Variants in TENM3 observed in about 807,000 individuals in gnomAD.
The protein encoded by TENM3 is teneurin transmembrane protein 3, also known as teneurin-3.
In TENM3, 63 loss-of-function variants were observed where a neutral mutation model predicts 255.1. That is an observed-to-expected ratio of 0.25 (90% CI 0.20 to 0.30). The LOEUF (loss-of-function observed/expected upper bound fraction) is 0.30, where lower values mean the gene tolerates loss of function less well. Ranked by LOEUF, TENM3 falls within the 10% of genes least tolerant of loss-of-function variation. The pLI is 1.00. For missense variants in TENM3, 2,929 were observed against 3,461.1 expected (o/e 0.85, Z 3.86); for synonymous variants, 1,306 against 1,322.3 (o/e 0.99, Z 0.27).
chr4:182,530,212 G>T (rs920140467), intron 3 of TENM3, among the ~76,000 whole-genome samples: 1 of 152,126 alleles, frequency 6.6e-6, no homozygotes, highest in Non-Finnish European at 1.5e-5. Context: ...AACTCAGACC[G>T]CAGGCTCATA....
At chr4:182,144,642 C>T (rs1306898914), upstream of TENM3, 2 of 147,748 alleles carry the variant, frequency 1.4e-5, no homozygotes, top group Admixed American at 6.7e-5. Flanking sequence ...CGGGGCCCCC[C>T]TCCCCCGCGC....
intron 10 of TENM3, among the ~76,000 whole-genome samples, chr4:182,681,558 A>C (rs1756178353): frequency 6.6e-6 from 1 of 152,194 alleles, no homozygotes; most frequent in Non-Finnish European, 1.5e-5. Context: ...CTGAAACCTC[A>C]AGAGCCTGTG....
intron 1 of TENM3, among the ~76,000 whole-genome samples, chr4:182,228,386 G>GTATATATATATGTGTATATATATA (rs1374220080): frequency 7.2e-6 from 1 of 139,830 alleles, no homozygotes. Flanking sequence ...GTGTGTGTGT[G>GTATATATATATGTGTATATATATA]TGTGTGTATA....
chr4:181,621,483 T>A, the TENM3 span, among the ~76,000 whole-genome samples: 2 of 152,180 alleles, frequency 1.3e-5, no homozygotes, highest in Non-Finnish European at 2.9e-5. Flanking sequence ...AACATATCAA[T>A]TAACTTTAAT....
chr4:182,251,486 T>C lies in TENM3; in HGVS notation c.-76+8010T>C, dbSNP rs113914889. 8.0e-3 allele frequency among the ~76,000 whole-genome samples: 1,218 copies of C among 152,104 alleles called. 12 individuals are homozygous for C. The highest frequency in any genetic ancestry group is 0.026 in the African/African-American group (1,061 of 41,502). On this transcript the variant is annotated intron_variant, in intron 1 of 27. Coordinates refer to ENST00000511685, the MANE Select transcript of TENM3 (RefSeq NM_001080477.4). Reference sequence around the variant, plus strand: ...CTGTCTCAAAACAAAACAAAAGCGATGATGGGAAGTTGTCTTTTACTGTTA... The same window carrying C: ...CTGTCTCAAAACAAAACAAAAGCGACGATGGGAAGTTGTCTTTTACTGTTA...
intron 1 of TENM3, among the ~76,000 whole-genome samples, chr4:182,247,269 C>T (rs1757714285): frequency 6.6e-6 from 1 of 152,012 alleles, no homozygotes; most frequent in African/African-American, 2.4e-5. Flanking sequence ...GAAGAAAAAC[C>T]CTATGAAGAG....
intron 1 of TENM3, among the ~76,000 whole-genome samples, chr4:182,215,865 C>A (rs1755429749): frequency 6.6e-6 from 1 of 152,176 alleles, no homozygotes; most frequent in African/African-American, 2.4e-5. Flanking sequence ...TAGGGCTGAA[C>A]TGTTTTCAGG....
chr4:182,689,499 G>A (rs1289730331), intron 12 of TENM3, among the ~76,000 whole-genome samples: 1 of 152,050 alleles, frequency 6.6e-6, no homozygotes, highest in African/African-American at 2.4e-5. Context: ...GTCCCACCAC[G>A]CCCCCACGCT....
the TENM3 span, among the ~76,000 whole-genome samples, chr4:181,870,737 T>A: frequency 6.6e-6 from 1 of 152,180 alleles, no homozygotes; most frequent in Non-Finnish European, 1.5e-5. Flanking sequence ...GTACTATGAA[T>A]ATTTTCATTC....
At chr4:182,740,018 A>C (rs905057450) in intron 18 of TENM3, among the ~76,000 whole-genome samples, 9 of 152,254 alleles carry the variant, frequency 5.9e-5, no homozygotes, top group Non-Finnish European at 1.2e-4. Context: ...CCTGAGTGAC[A>C]GAGTGAGACT....
the TENM3 span, among the ~76,000 whole-genome samples, chr4:181,839,028 A>C: frequency 1.3e-5 from 2 of 151,646 alleles, no homozygotes; most frequent in South Asian, 4.1e-4. Context: ...TTTCAACTGC[A>C]TTCTACAAGT....
At chr4:182,795,733 G>A (rs1027947337) in intron 26 of TENM3, among the ~76,000 whole-genome samples, 2 of 152,202 alleles carry the variant, frequency 1.3e-5, no homozygotes, top group African/African-American at 2.4e-5. Context: ...TCCTAGCAAC[G>A]TGGACTGCAG....
intron 5 of TENM3, among the ~76,000 whole-genome samples, chr4:182,649,713 G>A (rs2152507692): frequency 6.6e-6 from 1 of 150,534 alleles, no homozygotes; most frequent in South Asian, 2.2e-4. Context: ...AGACAGAATA[G>A]TGGGAAAGTG....
intron 24 of TENM3, among the ~76,000 whole-genome samples, chr4:182,781,680 G>A (rs1409651140): frequency 7.1e-6 from 1 of 140,954 alleles, no homozygotes; most frequent in Admixed American, 7.2e-5. Flanking sequence ...AATCCATCTG[G>A]TCCTGGACTC....
intron 1 of TENM3, among the ~76,000 whole-genome samples, chr4:182,230,884 A>G (rs980151335): frequency 7.4e-6 from 1 of 134,622 alleles, no homozygotes. Context: ...GTTCTCCGAT[A>G]ATTACAGCAC....
At chr4:182,128,210 A>G in the TENM3 span, among the ~76,000 whole-genome samples, 1 of 152,050 alleles carries the variant, frequency 6.6e-6, no homozygotes, top group Non-Finnish European at 1.5e-5. Context: ...CCATTTTCCA[A>G]TTTTAATGGA....
the TENM3 span, among the ~76,000 whole-genome samples, chr4:181,473,102 C>T: frequency 0.011 from 1,586 of 145,562 alleles, 23 homozygotes; most frequent in African/African-American, 0.043. Flanking sequence ...TTTCATTAAA[C>T]ATTTTCATTT....
At chr4:181,570,325 G>A in the TENM3 span, among the ~76,000 whole-genome samples, 8 of 152,020 alleles carry the variant, frequency 5.3e-5, no homozygotes, top group African/African-American at 1.9e-4. Flanking sequence ...GATTACAGGC[G>A]TGACCTACAA....
chr4:181,899,258 G>A, the TENM3 span, among the ~76,000 whole-genome samples: 2 of 151,832 alleles, frequency 1.3e-5, no homozygotes, highest in African/African-American at 4.8e-5. Flanking sequence ...CTAGTTCTAG[G>A]TCCACATGTT....
Sources: gnomAD v4.1 joint callset for allele counts (sites outside exome capture counted in the v4.1 genomes callset) on GRCh38, gnomAD v4.1.1 for gene constraint, MANE v1.5 for transcripts, NCBI Gene and HGNC (gene_info 2026-07-23, HGNC 2026-07-21) for gene names.